COX10: variants seen among roughly 807,000 people sequenced by gnomAD.
COX10 encodes protoheme IX farnesyltransferase, mitochondrial.
COX10 carries 27 observed loss-of-function variants against 37.3 expected under a neutral mutation model. The observed-to-expected ratio is 0.72, with a 90% CI of 0.53 to 1.00. The LOEUF (loss-of-function observed/expected upper bound fraction) is 1.00. COX10 is among the 50% of genes least tolerant of loss of function. The pLI, the probability that COX10 is intolerant of heterozygous loss-of-function variation, is 0.00. For missense variants in COX10, 475 were observed against 563.2 expected (o/e 0.84, Z 1.59); for synonymous variants, 222 against 229.1 (o/e 0.97, Z 0.28).
chr17:14,128,850 A>T (rs1409840598), intron 4 of COX10, among the ~76,000 whole-genome samples: 1 of 152,118 alleles, frequency 6.6e-6, no homozygotes, highest in Non-Finnish European at 1.5e-5. Flanking sequence ...CATTTATTTT[A>T]TTTATTTTTT....
At chr17:14,119,696 T>G (rs147031850) in intron 4 of COX10, among the ~76,000 whole-genome samples, 149 of 152,220 alleles carry the variant, frequency 9.8e-4, no homozygotes, top group Middle Eastern at 3.4e-3. Context: ...GAATAAGATG[T>G]GCGCAAGCCC....
chr17:14,184,407 A>G (rs1179319186), intron 5 of COX10, among the ~76,000 whole-genome samples: 2 of 152,272 alleles, frequency 1.3e-5, no homozygotes, highest in Admixed American at 6.5e-5. Context: ...AATAATAAAA[A>G]GTATTAAAGT....
intron 6 of COX10, among the ~76,000 whole-genome samples, chr17:14,199,086 G>A (rs1324617381): frequency 6.6e-6 from 1 of 151,522 alleles, no homozygotes; most frequent in Non-Finnish European, 1.5e-5. Context: ...AAAAAAAAGA[G>A]CTACGAAAGA....
chr17:14,174,477 T>C (rs993792482), intron 5 of COX10, among the ~76,000 whole-genome samples: 4 of 131,352 alleles, frequency 3.0e-5, no homozygotes, highest in Admixed American at 3.0e-4. Flanking sequence ...AAAAAAAAAG[T>C]GCGTGAAAGA....
chr17:14,128,672 C>T (rs1004488171), intron 4 of COX10, among the ~76,000 whole-genome samples: 5 of 152,000 alleles, frequency 3.3e-5, no homozygotes, highest in Non-Finnish European at 5.9e-5. Context: ...AAAAAGGACA[C>T]TGGAAGAAGG....
At chr17:14,138,344 G>A (rs945800286) in intron 4 of COX10, among the ~76,000 whole-genome samples, 1 of 152,054 alleles carries the variant, frequency 6.6e-6, no homozygotes, top group African/African-American at 2.4e-5. Context: ...CATTAACTTA[G>A]CCCACATTGT....
At chr17:14,099,647 C>A (rs1382155732) in intron 3 of COX10, among the ~76,000 whole-genome samples, 1 of 151,988 alleles carries the variant, frequency 6.6e-6, no homozygotes, top group Non-Finnish European at 1.5e-5. Context: ...TCCTTCCCCC[C>A]ATCTGTAAAG....
chr17:14,126,974 C>T (rs1408131453), intron 4 of COX10, among the ~76,000 whole-genome samples: 1 of 127,042 alleles, frequency 7.9e-6, no homozygotes, highest in Non-Finnish European at 1.7e-5. Context: ...GATAGTGACT[C>T]GAATTCATGT....
rs1466349860 is a variant in COX10, at chr17:14,207,942, A to C, written c.*729A>C. 6.6e-6 allele frequency: 1 copy of C among 152,318 alleles called. No individual in the cohort carries two copies. Among genetic ancestry groups the C allele is most frequent in the East Asian group, 1.9e-4 (1 of 5,182 alleles). The allele number at this position is 152,318 out of a possible 1,614,324, so 9.4% of individuals were successfully genotyped here. On this transcript the variant is annotated 3_prime_UTR_variant, in exon 7 of 7. Coordinates refer to ENST00000261643, the MANE Select transcript of COX10 (RefSeq NM_001303.4). Reference sequence around the variant, plus strand: ...TTAACATATAGACACTGTTGGAAGCAGTTCCTTCTAAAAGGGTAGCCCTGG... The same window carrying C: ...TTAACATATAGACACTGTTGGAAGCCGTTCCTTCTAAAAGGGTAGCCCTGG...
chr17:14,176,223 C>A (rs1007051175), intron 5 of COX10, among the ~76,000 whole-genome samples: 1 of 151,756 alleles, frequency 6.6e-6, no homozygotes, highest in African/African-American at 2.4e-5. Context: ...GTCTCTATTG[C>A]CTATGTGTAT....
At chr17:14,099,024 T>A (rs1273084372) in intron 3 of COX10, among the ~76,000 whole-genome samples, 2 of 152,136 alleles carry the variant, frequency 1.3e-5, no homozygotes, top group African/African-American at 4.8e-5. Context: ...ACCTTTCTCC[T>A]GAATGTGTGT....
In COX10 at chr17:14,110,481, A is replaced by G. The variant is rs116018264; in HGVS notation, c.624+8239A>G. 8.0e-3 allele frequency among the ~76,000 whole-genome samples: 1,215 copies of G among 152,200 alleles called. 20 individuals are homozygous for G. Among genetic ancestry groups the G allele is most frequent in the African/African-American group, 0.028 (1,159 of 41,550 alleles). ...TGATACAATGTGGACTTGGGGAGTT[A>G]TAATTCTTGGTGTGTATCTCTGGGT... On this transcript the variant is annotated intron_variant, in intron 4 of 6. Transcript: ENST00000261643.
At chr17:14,148,684 C>T (rs1366681396) in intron 4 of COX10, among the ~76,000 whole-genome samples, 1 of 152,072 alleles carries the variant, frequency 6.6e-6, no homozygotes, top group African/African-American at 2.4e-5. Flanking sequence ...AACTTACAGA[C>T]ATCTCTAGAA....
chr17:14,102,214 C>T lies in COX10; in HGVS notation c.596C>T (p.Ala199Val). 1 of 1,613,732 alleles carries T rather than the reference C, an allele frequency of 6.2e-7. No individual in the cohort carries two copies. Among genetic ancestry groups the T allele is most frequent in the South Asian group, 1.1e-5 (1 of 91,086 alleles). ...CTTACTTCTGTTGGGACAGGCCTTGCATCCTGTGCTGCCAACTCCATCAAT... is the reference window on the plus strand; with the variant it reads ...CTTACTTCTGTTGGGACAGGCCTTGTATCCTGTGCTGCCAACTCCATCAAT... ...FLLTSVGTGL[A>V]SCAANSINQF... Residue 199 changes from alanine to valine, a missense_variant, in exon 4 of 7, where the codon GCA (alanine) becomes GTA (valine). By Grantham distance (64) the Ala-to-Val change is moderately conservative. Transcript: ENST00000261643.
chr17:14,095,233 G>A (rs1915617998), intron 3 of COX10, among the ~76,000 whole-genome samples: 1 of 152,196 alleles, frequency 6.6e-6, no homozygotes, highest in African/African-American at 2.4e-5. Context: ...AATTAGACTA[G>A]TTGACCCTAA....
intron 4 of COX10, among the ~76,000 whole-genome samples, chr17:14,138,976 C>G (rs1185361629): frequency 6.6e-6 from 1 of 152,142 alleles, no homozygotes; most frequent in East Asian, 1.9e-4. Flanking sequence ...GCAGTACGAC[C>G]TCGATCATTT....
At chr17:14,109,130 T>C (rs905923017) in intron 4 of COX10, among the ~76,000 whole-genome samples, 2 of 152,228 alleles carry the variant, frequency 1.3e-5, no homozygotes, top group South Asian at 2.1e-4. Flanking sequence ...TGATAACTCA[T>C]GGCTTATTCA....
At chr17:14,136,750 A>C (rs1395573002) in intron 4 of COX10, among the ~76,000 whole-genome samples, 1 of 152,054 alleles carries the variant, frequency 6.6e-6, no homozygotes, top group African/African-American at 2.4e-5. Context: ...ACAAAGATGG[A>C]CATGTATGGT....
rs1915157924 is a variant in COX10, at chr17:14,076,646, A to G, written c.178-89A>G. 5 of 1,236,914 alleles carry G rather than the reference A, an allele frequency of 4.0e-6. No individual in the cohort carries two copies. In the Admixed American group the frequency reaches 5.6e-5, roughly 14 times the overall value. 76.6% of individuals were successfully genotyped at this position (1,236,914 alleles called of 1,614,324 possible). A position where few individuals can be genotyped will look rare whatever the true frequency, so the allele number is the denominator to read the frequency against. ...GTGGGAAAAGCTTTCAAATAATGTA[A>G]AAGCTGGTCTGATTGAAGATGTTGC... is the stretch of plus-strand genomic sequence containing the variant. On this transcript the variant is annotated intron_variant, in intron 2 of 6. Coordinates refer to ENST00000261643, the MANE Select transcript of COX10 (RefSeq NM_001303.4).
Sources: gnomAD v4.1 joint callset for allele counts (sites outside exome capture counted in the v4.1 genomes callset) on GRCh38, gnomAD v4.1.1 for gene constraint, MANE v1.5 for transcripts, NCBI Gene and HGNC (gene_info 2026-07-23, HGNC 2026-07-21) for gene names.